PAXIP1: variants seen among roughly 807,000 people sequenced by gnomAD.
The protein encoded by PAXIP1 is PAX interacting protein 1, also known as PAX-interacting protein 1.
A neutral mutation model predicts 140.6 loss-of-function variants in PAXIP1; 19 were observed. The ratio of observed to expected loss-of-function variants is 0.14; its 90% CI spans 0.09 to 0.20. The LOEUF (loss-of-function observed/expected upper bound fraction) is 0.20. Among genes scored for constraint, PAXIP1 ranks in the 10% least tolerant of loss-of-function variants. The pLI, the probability that PAXIP1 is intolerant of heterozygous loss-of-function variation, is 1.00. For missense variants in PAXIP1, 920 were observed against 1,208.6 expected (o/e 0.76, Z 3.54); for synonymous variants, 442 against 444.6 (o/e 0.99, Z 0.07).
chr7:154,960,810 A>G, intron 12 of PAXIP1, 83 bp downstream of exon 12: 1 of 971,468 alleles, frequency 1.0e-6, no homozygotes, highest in Non-Finnish European at 1.5e-6. Flanking sequence ...CAGGCCTGGT[A>G]ATTAGTATGA....
chr7:154,944,412 G>C (rs1393755839), intron 20 of PAXIP1: 1 of 370,476 alleles, frequency 2.7e-6, no homozygotes. Flanking sequence ...TCCACCATGC[G>C]GCCAGAACTG....
At chr7:154,966,329 G>A (rs1413028001) in intron 8 of PAXIP1, among the ~76,000 whole-genome samples, 1 of 152,170 alleles carries the variant, frequency 6.6e-6, no homozygotes, top group Non-Finnish European at 1.5e-5. Flanking sequence ...TTGTCTTTGA[G>A]AGAAAACAGT....
At chr7:154,959,777 G>A (rs75281075) in intron 13 of PAXIP1, 113 bp downstream of exon 13, 92 of 737,802 alleles carry the variant, frequency 1.2e-4, no homozygotes, top group East Asian at 9.2e-4. Context: ...TAGATAATTC[G>A]TTATCATGTT....
At chr7:154,982,206 T>C (rs1326372703) in intron 5 of PAXIP1, among the ~76,000 whole-genome samples, 1 of 152,250 alleles carries the variant, frequency 6.6e-6, no homozygotes, top group Non-Finnish European at 1.5e-5. Context: ...ATTTTAGAAG[T>C]CACATGATAA....
chr7:154,955,624 C>T lies in PAXIP1; in HGVS notation c.2557G>A (p.Asp853Asn), dbSNP rs1808471757. The T allele has an allele frequency of 6.4e-7, 1 of 1,557,002 alleles. No individual in the cohort carries two copies. The change falls in exon 15 of 21, where the codon GAC becomes AAC. Residue 853 changes from aspartate to asparagine, a missense_variant. Asp to Asn is a conservative substitution (Grantham distance 23). Coordinates refer to ENST00000404141, the MANE Select transcript of PAXIP1 (RefSeq NM_007349.4). ...QPSSKRARIE[D>N]VPPPTKKLTP... Reference sequence around the variant, plus strand: ...AGCTTTTTAGTGGGAGGTGGTACGTCTTCAATTCTGTGGAAGAAATACACA... The same window carrying T: ...AGCTTTTTAGTGGGAGGTGGTACGTTTTCAATTCTGTGGAAGAAATACACA...
intron 13 of PAXIP1, among the ~76,000 whole-genome samples, chr7:154,958,094 A>G (rs1204138609): frequency 2.0e-5 from 3 of 152,164 alleles, no homozygotes; most frequent in Non-Finnish European, 4.4e-5. Flanking sequence ...TTACATGACA[A>G]TCAGATCAAC....
At chr7:155,002,774 G>C in intron 1 of PAXIP1, 75 bp downstream of exon 1, 4 of 697,486 alleles carry the variant, frequency 5.7e-6, no homozygotes, top group Non-Finnish European at 7.3e-6. Context: ...CGGCAGGAGC[G>C]GGGACGGGGA....
At chr7:154,994,282 C>A (rs1223420362) in intron 2 of PAXIP1, among the ~76,000 whole-genome samples, 1 of 152,048 alleles carries the variant, frequency 6.6e-6, no homozygotes, top group African/African-American at 2.4e-5. Context: ...TTAATTACTA[C>A]CTTTCTGGGT....
intron 5 of PAXIP1, among the ~76,000 whole-genome samples, chr7:154,977,370 C>T (rs1313463395): frequency 6.6e-6 from 1 of 152,190 alleles, no homozygotes; most frequent in Non-Finnish European, 1.5e-5. Flanking sequence ...AACTAAACTC[C>T]GTGTCCTGTT....
chr7:154,976,083 T>C lies in PAXIP1; in HGVS notation c.687A>G (p.Ser229=), dbSNP rs777431736. ...SPASSQEGSP[S]GDQQFSPKSN... ...ATTTAGGTGAAAACTGCTGGTCACC[T>C]GAAGGAGACCCTTCTTGAGAGCTGG... The change falls in exon 6 of 21, where the codon TCA becomes TCG. Residue 229 remains serine, a synonymous_variant. Transcript: ENST00000404141. 1.9e-6 allele frequency: 3 copies of C among 1,579,822 alleles called. No individual in the cohort carries two copies. Among genetic ancestry groups the C allele is most frequent in the Non-Finnish European group, 2.6e-6 (3 of 1,161,134 alleles).
intron 5 of PAXIP1, among the ~76,000 whole-genome samples, chr7:154,976,743 G>A (rs1219002643): frequency 1.3e-5 from 2 of 152,208 alleles, no homozygotes; most frequent in Non-Finnish European, 2.9e-5. Flanking sequence ...GTGGCAGAGT[G>A]CCGCCAATGC....
In PAXIP1 at chr7:154,998,777, T is replaced by C; in HGVS notation, c.89A>G (p.Gln30Arg). Reference protein sequence around the residue: ...AVGDIDPQVIQLLKAGKAKEV... With the variant: ...AVGDIDPQVIRLLKAGKAKEV... The stretch of plus-strand genomic sequence containing the variant: ...CTTCGCTTTTCCAGCCTTGAGAAGC[T>C]GAATAACCTAAAAAACAAGAAAATC... Residue 30 changes from glutamine (Q) to arginine (R), a missense_variant, in exon 2 of 21, where the codon CAG becomes CGG. This residue lies in a region of PAXIP1 where 419 missense variants were observed against 514.7 expected (regional missense o/e 0.81). Transcript: ENST00000404141. 3 of 1,610,252 alleles carry C rather than the reference T, an allele frequency of 1.9e-6. No homozygotes were observed. Among genetic ancestry groups the C allele is most frequent in the South Asian group, 2.2e-5 (2 of 90,374 alleles).
At chr7:154,957,379 C>A in intron 13 of PAXIP1, 85 bp from the exon 14 acceptor site, 1 of 685,426 alleles carries the variant, frequency 1.5e-6, no homozygotes, top group South Asian at 2.0e-5. Context: ...GTCAAATAAT[C>A]AAACTACTTA....
chr7:154,969,279 A>G (rs1809185743), intron 6 of PAXIP1, among the ~76,000 whole-genome samples, 153 bp from the exon 7 acceptor site: 1 of 152,230 alleles, frequency 6.6e-6, no homozygotes, highest in Admixed American at 6.5e-5. Flanking sequence ...ACAATACTGC[A>G]TTTTCTTTTG....
At position 154,967,835 on chromosome 7, in the gene PAXIP1, A is replaced by C. The variant is rs767991932; in HGVS notation, c.1874T>G (p.Leu625Arg). Residue 625 changes from leucine (L) to arginine (R), a missense_variant, in exon 8 of 21, where the codon CTG becomes CGG. Leu to Arg is a moderately radical substitution (Grantham distance 102, BLOSUM62 -2). This residue lies in a region of PAXIP1 where 62 missense variants were observed against 69.0 expected (regional missense o/e 0.90). Coordinates refer to ENST00000404141, the MANE Select transcript of PAXIP1 (RefSeq NM_007349.4). ...TCTCACCCTTTTCCAGGTGGCCAGCAGTTGCTTATCAGACATCTGCTCTGG... is the reference window on the plus strand; with the variant it reads ...TCTCACCCTTTTCCAGGTGGCCAGCCGTTGCTTATCAGACATCTGCTCTGG... Reference protein sequence around the residue: ...DYPEQMSDKQLLATWKRIIQA... With the variant: ...DYPEQMSDKQRLATWKRIIQA... 7 of 1,613,266 alleles carry C rather than the reference A, an allele frequency of 4.3e-6. No individual in the cohort carries two copies. The South Asian group carries it at 6.6e-5, about 15-fold the overall frequency.
Position 154,946,434 on chromosome 7 carries a change from G to A in PAXIP1, c.3134-9C>T, listed in dbSNP as rs1563357616. The A allele has an allele frequency of 1.2e-6, 2 of 1,612,568 alleles. No individual in the cohort carries two copies. Among genetic ancestry groups the A allele is most frequent in the Non-Finnish European group, 1.7e-6 (2 of 1,178,628 alleles). Reference sequence around the variant, plus strand: ...CTCTGCATTGTGAACATCTGAACAGGGTGGAAACAGACACTTTAGTTAGAG... The same window carrying A: ...CTCTGCATTGTGAACATCTGAACAGAGTGGAAACAGACACTTTAGTTAGAG... On this transcript the variant is annotated splice_polypyrimidine_tract_variant and intron_variant, in intron 19 of 20. Coordinates refer to ENST00000404141, the MANE Select transcript of PAXIP1 (RefSeq NM_007349.4). This position sits in a 1 kb window ranked among gnomAD's most constrained non-coding sequence, Gnocchi z 4.9.
intron 6 of PAXIP1, chr7:154,974,760 CAATTTTAT>C (rs1809489161): frequency 2.6e-5 from 4 of 152,170 alleles, no homozygotes; most frequent in Non-Finnish European, 5.9e-5. Flanking sequence ...TTCTTAGTCA[CAATTTTAT>C]CTCCAGTGCC....
chr7:154,996,970 C>T (rs531993419), intron 2 of PAXIP1, among the ~76,000 whole-genome samples: 1 of 152,162 alleles, frequency 6.6e-6, no homozygotes, highest in Non-Finnish European at 1.5e-5. Context: ...ATATGCAAAG[C>T]CGCTTTACTG....
chr7:154,961,696 C>T, intron 10 of PAXIP1, 48 bp from the exon 11 acceptor site: 1 of 1,472,066 alleles, frequency 6.8e-7, no homozygotes, highest in Non-Finnish European at 9.2e-7. Context: ...AGCAAAAAAC[C>T]AAAACCAAGT....
Sources: allele counts gnomAD v4.1 joint callset (sites outside exome capture counted in the v4.1 genomes callset), GRCh38; gene constraint gnomAD v4.1.1; regional missense constraint gnomAD v4.1.1; non-coding constraint Gnocchi (gnomAD v3.1); transcripts MANE v1.5; gene names NCBI Gene and HGNC (gene_info 2026-07-23, HGNC 2026-07-21).